The following AAK1 variants were observed in gnomAD, a reference collection of about 807,000 sequenced individuals.
AAK1 encodes AP2 associated kinase 1, also known as AP2-associated protein kinase 1.
Under a neutral mutation model 116.0 loss-of-function variants are expected in AAK1, and 37 were observed. That is an observed-to-expected ratio of 0.32 (90% CI 0.25 to 0.42). The LOEUF (loss-of-function observed/expected upper bound fraction) is 0.42. Among genes scored for constraint, AAK1 ranks in the 10% least tolerant of loss-of-function variants. The pLI is 1.00. For missense variants in AAK1, 919 were observed against 1,170.6 expected (o/e 0.79, Z 3.14); for synonymous variants, 458 against 439.9 (o/e 1.04, Z -0.51).
At chr2:69,582,374 C>CGT (rs575436080) in intron 2 of AAK1, among the ~76,000 whole-genome samples, 1 of 145,878 alleles carries the variant, frequency 6.9e-6, no homozygotes, top group Non-Finnish European at 1.5e-5. Flanking sequence ...TCCGTGTGTG[C>CGT]GTGTGTGTGC....
At chr2:69,560,194 CTG>C (rs1671574789) in intron 2 of AAK1, among the ~76,000 whole-genome samples, 1 of 152,236 alleles carries the variant, frequency 6.6e-6, no homozygotes, top group Admixed American at 6.5e-5. Flanking sequence ...GTCACTATCA[CTG>C]TGTAGTTGGC....
At chr2:69,497,343 C>T (rs1675789786) in intron 16 of AAK1, among the ~76,000 whole-genome samples, 1 of 121,838 alleles carries the variant, frequency 8.2e-6, no homozygotes, top group Non-Finnish European at 1.6e-5. Context: ...TGCTCTGTTG[C>T]CCAGGCTGGA....
intron 15 of AAK1, among the ~76,000 whole-genome samples, 178 bp from the exon 16 acceptor site, chr2:69,505,851 G>C (rs1308503117): frequency 1.3e-5 from 2 of 151,710 alleles, no homozygotes; most frequent in Admixed American, 6.6e-5. Flanking sequence ...GAACGGCTGA[G>C]AAAAAAAAGG....
intron 14 of AAK1, among the ~76,000 whole-genome samples, chr2:69,508,660 A>G (rs2104967110): frequency 6.6e-6 from 1 of 152,376 alleles, no homozygotes; most frequent in Non-Finnish European, 1.5e-5. Context: ...AAAATTATAC[A>G]TCATATCAGA....
At position 69,469,768 on chromosome 2, in the gene AAK1, T is replaced by G. The variant is rs1674614209; in HGVS notation, c.*6101A>C. 1 of 985,438 alleles carries G rather than the reference T, an allele frequency of 1.0e-6. No individual in the cohort carries two copies. Among genetic ancestry groups the G allele is most frequent in the African/African-American group, 1.7e-5 (1 of 57,368 alleles). 61.0% of individuals were successfully genotyped at this position (985,438 alleles called of 1,614,324 possible). A position where few individuals can be genotyped will look rare whatever the true frequency, so the allele number is the denominator to read the frequency against. On this transcript the variant is annotated 3_prime_UTR_variant, in exon 22 of 22. Transcript: ENST00000409085. Reference sequence around the variant, plus strand: ...TTTATTTTGGTTTCACACATAAAATTAAGCAAGAAGTCAAAACATACTTCT... The same window carrying G: ...TTTATTTTGGTTTCACACATAAAATGAAGCAAGAAGTCAAAACATACTTCT...
intron 2 of AAK1, chr2:69,597,755 A>G (rs1219266497): frequency 6.5e-6 from 1 of 153,580 alleles, no homozygotes; most frequent in Non-Finnish European, 1.4e-5. Context: ...GGTGGCATGC[A>G]CCACTAGTCC....
chr2:69,605,350 C>A (rs996465360), intron 2 of AAK1, among the ~76,000 whole-genome samples: 1 of 152,206 alleles, frequency 6.6e-6, no homozygotes, highest in African/African-American at 2.4e-5. Flanking sequence ...CCGAACATAG[C>A]ATTTCACAAT....
At chr2:69,530,473 T>C (rs1670206607) in intron 7 of AAK1, among the ~76,000 whole-genome samples, 152 bp downstream of exon 7, 1 of 152,226 alleles carries the variant, frequency 6.6e-6, no homozygotes, top group Non-Finnish European at 1.5e-5. Flanking sequence ...AAGCAGTGGC[T>C]GGTATTCTCA....
chr2:69,509,223 C>A lies in AAK1; in HGVS notation c.2006+8G>T. On this transcript the variant is annotated splice_region_variant and intron_variant, in intron 14 of 21. Coordinates refer to ENST00000409085, the MANE Select transcript of AAK1 (RefSeq NM_014911.5). ...AGGTAAGAACAACAAAGAGGAAGCA[C>A]CACATACTTGGACTTATTGAGACTG... 6.2e-7 allele frequency: 1 copy of A among 1,613,332 alleles called. No individual in the cohort carries two copies. Among genetic ancestry groups the A allele is most frequent in the Non-Finnish European group, 8.5e-7 (1 of 1,179,356 alleles).
intron 2 of AAK1, among the ~76,000 whole-genome samples, chr2:69,562,851 C>T (rs1428737494): frequency 6.6e-6 from 1 of 152,184 alleles, no homozygotes; most frequent in Admixed American, 6.5e-5. Flanking sequence ...GATCGCACCA[C>T]TGCACTCCAG....
At chr2:69,570,042 A>T (rs1300002717) in intron 2 of AAK1, among the ~76,000 whole-genome samples, 2 of 152,126 alleles carry the variant, frequency 1.3e-5, no homozygotes. Context: ...TAAGAAAGTG[A>T]CAGAGCTTTT....
intron 2 of AAK1, among the ~76,000 whole-genome samples, chr2:69,560,265 C>G (rs547031729): frequency 6.6e-6 from 1 of 152,314 alleles, no homozygotes; most frequent in Admixed American, 6.5e-5. Flanking sequence ...AGATACTTCT[C>G]GTGCACAGCC....
At chr2:69,503,431 AT>A (rs1161210870) in intron 16 of AAK1, among the ~76,000 whole-genome samples, 4 of 152,244 alleles carry the variant, frequency 2.6e-5, no homozygotes, top group Non-Finnish European at 5.9e-5. Context: ...ATAATAGTAA[AT>A]ACTGGAATAA....
intron 2 of AAK1, among the ~76,000 whole-genome samples, chr2:69,562,728 A>G (rs919366856): frequency 6.6e-6 from 1 of 152,144 alleles, no homozygotes; most frequent in South Asian, 2.1e-4. Context: ...CGTCTCTACT[A>G]AAAATACAAA....
intron 17 of AAK1, among the ~76,000 whole-genome samples, chr2:69,495,095 A>G (rs1240008607): frequency 6.6e-6 from 1 of 152,202 alleles, no homozygotes; most frequent in African/African-American, 2.4e-5. Context: ...GAAAAAAGGA[A>G]AAATGATCAG....
At chr2:69,486,505 C>T (rs896615427) in intron 17 of AAK1, among the ~76,000 whole-genome samples, 2 of 151,996 alleles carry the variant, frequency 1.3e-5, no homozygotes, top group Admixed American at 1.3e-4. Flanking sequence ...CAGAACAATA[C>T]CAGGCACAAA....
At chr2:69,561,493 A>G (rs1671636863) in intron 2 of AAK1, among the ~76,000 whole-genome samples, 1 of 152,236 alleles carries the variant, frequency 6.6e-6, no homozygotes, top group African/African-American at 2.4e-5. Flanking sequence ...CATTTTCCCA[A>G]CAGGAAAGAC....
intron 5 of AAK1, among the ~76,000 whole-genome samples, chr2:69,537,042 G>C (rs187723384): frequency 6.6e-6 from 1 of 152,044 alleles, no homozygotes; most frequent in Non-Finnish European, 1.5e-5. Flanking sequence ...AGAATAAAAC[G>C]GGAGTGAAAA....
At chr2:69,612,112 T>C (rs989736932) in intron 2 of AAK1, among the ~76,000 whole-genome samples, 2 of 152,250 alleles carry the variant, frequency 1.3e-5, no homozygotes, top group Non-Finnish European at 1.5e-5. Context: ...GTACTGCACG[T>C]TGTGCACATG....
Sources: gnomAD v4.1 joint callset for allele counts (sites outside exome capture counted in the v4.1 genomes callset) on GRCh38, gnomAD v4.1.1 for gene constraint, MANE v1.5 for transcripts, NCBI Gene and HGNC (gene_info 2026-07-23, HGNC 2026-07-21) for gene names.